ABCC9: variants seen among roughly 807,000 people sequenced by gnomAD.
The protein encoded by ABCC9 is ATP-binding cassette sub-family C member 9.
Under a neutral mutation model 188.3 loss-of-function variants are expected in ABCC9, and 95 were observed. That is an observed-to-expected ratio of 0.50 (90% confidence interval 0.43 to 0.60). ABCC9 has a LOEUF of 0.60. ABCC9 is among the 20% of genes least tolerant of loss of function. ABCC9 has a pLI of 0.00. For synonymous variants in ABCC9, 659 were observed against 652.7 expected (o/e 1.01, Z -0.15); for missense variants, 1,102 against 1,876.3 (o/e 0.59, Z 7.62).
chr12:21,894,275 C>T (rs958429787), intron 13 of ABCC9, 101 bp from the exon 14 acceptor site: 1 of 1,287,068 alleles, frequency 7.8e-7, no homozygotes, highest in South Asian at 1.2e-5. Context: ...GCCAGTATGT[C>T]CATTGTAACT....
chr12:21,863,469 T>A (rs704194), intron 19 of ABCC9, among the ~76,000 whole-genome samples: 48,559 of 151,938 alleles, frequency 0.32, 7,845 homozygotes, highest in East Asian at 0.4. Context: ...TAATTGATAC[T>A]GTAATTATTG....
Position 21,895,297 on chromosome 12 carries a change from A to G in ABCC9, c.1637T>C (p.Ile546Thr). ...TACAGCAAGAACAGCTGCTATGGGA[A>G]TTGCTGCATTCATGAAGACTGTGGA... Reference protein sequence around the residue: ...TSLSIFMNAAIPIAAVLATFV... With the variant: ...TSLSIFMNAATPIAAVLATFV... Residue 546 changes from isoleucine to threonine, a missense_variant, in exon 13 of 40, where the codon ATT becomes ACT. By Grantham distance (89) the Ile-to-Thr change is moderately conservative. Transcript: ENST00000261200. The G allele has an allele frequency of 1.2e-6, 2 of 1,613,818 alleles. No individual in the cohort carries two copies. Among genetic ancestry groups the G allele is most frequent in the Non-Finnish European group, 1.7e-6 (2 of 1,179,734 alleles).
chr12:21,848,095 C>T, intron 25 of ABCC9, 55 bp downstream of exon 25: 1 of 1,517,036 alleles, frequency 6.6e-7, no homozygotes, highest in Non-Finnish European at 9.1e-7. Context: ...ACATAAAAAA[C>T]CCTCGCATCC....
rs753456211 is a variant in ABCC9, at chr12:21,913,041, C to T, written c.842G>A (p.Arg281Gln). The T allele has an allele frequency of 1.6e-5, 25 of 1,597,270 alleles. No homozygotes were observed. The highest frequency in any genetic ancestry group is 1.7e-4 in the Middle Eastern group (1 of 5,976). The stretch of plus-strand genomic sequence containing the variant: ...CATTGCAAGCCATATAGATGGAGTC[C>T]GATTTGGATGATCTGCAACTTTTTT... Reference protein sequence around the residue: ...QKKKVADHPNRTPSIWLAMYR... With the variant: ...QKKKVADHPNQTPSIWLAMYR... Residue 281 changes from arginine (R) to glutamine (Q), a missense_variant, in exon 8 of 40, where the codon CGG becomes CAG. Physicochemically the swap from Arg to Gln is conservative, Grantham distance 43 (BLOSUM62 1). Around this residue, in one of 12 missense-constraint regions of ABCC9, gnomAD observed 305 missense variants for 573.0 expected, o/e 0.53. Transcript: ENST00000261200.
chr12:21,879,272 G>A (rs35711602), intron 16 of ABCC9, among the ~76,000 whole-genome samples: 43,403 of 152,000 alleles, frequency 0.29, 6,897 homozygotes, highest in Admixed American at 0.36. Flanking sequence ...TAGGAGGTAT[G>A]TATATTGGGG....
chr12:21,925,371 A>C, intron 5 of ABCC9: 1 of 576,196 alleles, frequency 1.7e-6, no homozygotes, highest in South Asian at 2.3e-5. Flanking sequence ...TTTTAGTCAC[A>C]ATGCAGGTGC....
chr12:21,887,828 C>T lies in ABCC9; in HGVS notation c.1909G>A (p.Val637Ile), dbSNP rs113542001. 92 of 1,606,910 alleles carry T rather than the reference C, an allele frequency of 5.7e-5. No homozygotes were observed. The African/African-American group carries it at 8.9e-4, about 16-fold the overall frequency. ...CAAAACAAAAATAAAGCACTTACAA[C>T]TCCAGTGTGCTTCTTACAGGACTCA... ...PFESCKKHTG[V>I]QPKTINRKQP... Residue 637 changes from valine to isoleucine, a missense_variant and splice_region_variant, in exon 15 of 40, where the codon GTT becomes ATT. Val to Ile is a conservative substitution (Grantham distance 29). Around this residue, in one of 12 missense-constraint regions of ABCC9, gnomAD observed 258 missense variants for 325.6 expected, o/e 0.79. Transcript: ENST00000261200.
Position 21,815,792 on chromosome 12 carries a change from C to G in ABCC9, c.3994G>C (p.Val1332Leu), listed in dbSNP as rs200350065. Residue 1332 changes from valine (V) to leucine (L), a missense_variant, in exon 34 of 40, where the codon GTC becomes CTC. Physicochemically the swap from Val to Leu is conservative, Grantham distance 32. Coordinates refer to ENST00000261200, the MANE Select transcript of ABCC9 (RefSeq NM_020297.4). Reference protein sequence around the residue: ...ENNLKPVLKHVKAYIKPGQKV... With the variant: ...ENNLKPVLKHLKAYIKPGQKV... Reference sequence around the variant, plus strand: ...TGTCCAGGTTTGATGTAAGCCTTGACGTGCTTAAGAACAGGTTTCAGATTA... The same window carrying G: ...TGTCCAGGTTTGATGTAAGCCTTGAGGTGCTTAAGAACAGGTTTCAGATTA... 1.9e-6 allele frequency: 3 copies of G among 1,613,102 alleles called. No individual in the cohort carries two copies. Among genetic ancestry groups the G allele is most frequent in the African/African-American group, 2.7e-5 (2 of 74,960 alleles).
chr12:21,907,667 G>A (rs1396530877), intron 11 of ABCC9, among the ~76,000 whole-genome samples: 1 of 151,934 alleles, frequency 6.6e-6, no homozygotes, highest in African/African-American at 2.4e-5. Flanking sequence ...CATGCTTTGA[G>A]TCTACCCTAG....
intron 15 of ABCC9, among the ~76,000 whole-genome samples, chr12:21,883,578 G>A (rs1175362257): frequency 6.6e-6 from 1 of 152,140 alleles, no homozygotes; most frequent in Admixed American, 6.5e-5. Flanking sequence ...GACTAATACA[G>A]TTATCAGGCT....
At chr12:21,895,961 G>A (rs1229504045) in intron 12 of ABCC9, among the ~76,000 whole-genome samples, 1 of 151,732 alleles carries the variant, frequency 6.6e-6, no homozygotes, top group African/African-American at 2.4e-5. Context: ...CCAAGTTGTT[G>A]ATTTATAGTC....
chr12:21,848,098 T>G, intron 25 of ABCC9, 52 bp downstream of exon 25: 1 of 1,537,942 alleles, frequency 6.5e-7, no homozygotes, highest in Non-Finnish European at 9.0e-7. Flanking sequence ...TAAAAAACCC[T>G]CGCATCCTGT....
chr12:21,898,079 G>A (rs1326846160), intron 12 of ABCC9, among the ~76,000 whole-genome samples: 2 of 152,174 alleles, frequency 1.3e-5, no homozygotes, highest in African/African-American at 4.8e-5. Context: ...AAGCACTTGA[G>A]CCCAGCAGTT....
rs1183608933 is a variant in ABCC9, at chr12:21,817,174, T to C, written c.3892+13A>G. The C allele has an allele frequency of 1.2e-6, 2 of 1,612,326 alleles. No individual in the cohort carries two copies. The highest frequency in any genetic ancestry group is 1.7e-6 in the Non-Finnish European group (2 of 1,178,948). On this transcript the variant is annotated intron_variant, in intron 33 of 39. Coordinates refer to ENST00000261200, the MANE Select transcript of ABCC9 (RefSeq NM_020297.4). ...AAATATTTAAGTGAGACAAACAATATTTAGAGCAATACCCATTGTGCCTTC... is the reference window on the plus strand; with the variant it reads ...AAATATTTAAGTGAGACAAACAATACTTAGAGCAATACCCATTGTGCCTTC...
chr12:21,887,878 C>T lies in ABCC9; in HGVS notation c.1859G>A (p.Arg620Gln), dbSNP rs139539832. ...LSDEIGDDSW[R>Q]TGESSLPFES... ...AAAAGGAAGCGAACTTTCACCAGTTCGCCAACTGTCGTCACCAATCTCATC... is the reference window on the plus strand; with the variant it reads ...AAAAGGAAGCGAACTTTCACCAGTTTGCCAACTGTCGTCACCAATCTCATC... The change falls in exon 15 of 40, where the codon CGA (arginine) becomes CAA (glutamine). Residue 620 changes from arginine (R) to glutamine (Q), a missense_variant. This residue lies in a region of ABCC9 where 258 missense variants were observed against 325.6 expected (regional missense o/e 0.79). Transcript: ENST00000261200. 41 of 1,613,438 alleles carry T rather than the reference C, an allele frequency of 2.5e-5. No homozygotes were observed. The highest frequency in any genetic ancestry group is 3.3e-5 in the Admixed American group (2 of 59,914).
At chr12:21,807,876 T>C (rs1386972200) in intron 37 of ABCC9, among the ~76,000 whole-genome samples, 1 of 152,164 alleles carries the variant, frequency 6.6e-6, no homozygotes, top group Non-Finnish European at 1.5e-5. Context: ...TTCTCAACTC[T>C]AATTCCACTT....
At chr12:21,887,987 C>A in intron 14 of ABCC9, 53 bp from the exon 15 acceptor site, 4 of 1,330,414 alleles carry the variant, frequency 3.0e-6, no homozygotes, top group Non-Finnish European at 3.3e-6. Context: ...CCACCACCAA[C>A]AAAGTGCTAC....
At chr12:21,828,740 AT>A (rs1451587343) in intron 31 of ABCC9, among the ~76,000 whole-genome samples, 2 of 152,228 alleles carry the variant, frequency 1.3e-5, no homozygotes, top group Non-Finnish European at 2.9e-5. Flanking sequence ...TGAACACAAA[AT>A]GAATTTTTGC....
intron 35 of ABCC9, among the ~76,000 whole-genome samples, chr12:21,813,278 G>A (rs2137156951): frequency 6.6e-6 from 1 of 152,230 alleles, no homozygotes; most frequent in Non-Finnish European, 1.5e-5. Flanking sequence ...TGTTGATGTT[G>A]TTTCTCCACC....
Sources: gnomAD v4.1 joint callset for allele counts (sites outside exome capture counted in the v4.1 genomes callset) on GRCh38, gnomAD v4.1.1 for gene constraint, gnomAD v4.1.1 regional missense constraint, MANE v1.5 for transcripts, NCBI Gene and HGNC (gene_info 2026-07-23, HGNC 2026-07-21) for gene names.